Variants in LNX1 observed in about 807,000 individuals in gnomAD.
LNX1 encodes E3 ubiquitin-protein ligase LNX.
A neutral mutation model predicts 68.4 loss-of-function variants in LNX1; 54 were observed. The ratio of observed to expected loss-of-function variants is 0.79; its 90% CI spans 0.63 to 0.99. The LOEUF is 0.99. LNX1 is among the 50% of genes least tolerant of loss of function. The pLI, the probability that LNX1 is intolerant of heterozygous loss-of-function variation, is 0.00. For missense variants in LNX1, 906 were observed against 926.4 expected, an observed-to-expected ratio of 0.98 and a Z score of 0.29; for synonymous variants, 336 against 350.0, an observed-to-expected ratio of 0.96 and a Z score of 0.45.
intron 2 of LNX1, among the ~76,000 whole-genome samples, chr4:53,509,032 C>T (rs1345859615): frequency 2.0e-5 from 3 of 152,152 alleles, no homozygotes; most frequent in Non-Finnish European, 2.9e-5. Context: ...AGAACATTCT[C>T]GAGGCTCAGA....
At chr4:53,498,240 T>C (rs1220119701) in intron 5 of LNX1, among the ~76,000 whole-genome samples, 1 of 152,164 alleles carries the variant, frequency 6.6e-6, no homozygotes, top group East Asian at 1.9e-4. Context: ...TAATCTACTC[T>C]AAAAACAATT....
intron 2 of LNX1, among the ~76,000 whole-genome samples, chr4:53,509,016 T>G (rs1448857633): frequency 6.6e-6 from 1 of 152,180 alleles, no homozygotes; most frequent in Non-Finnish European, 1.5e-5. Context: ...AGAAAGAAGT[T>G]GAAAAAGAAC....
intron 2 of LNX1, among the ~76,000 whole-genome samples, chr4:53,508,917 C>G (rs1450376589): frequency 1.4e-5 from 2 of 143,510 alleles, no homozygotes; most frequent in East Asian, 4.2e-4. Context: ...ATATTTGTCT[C>G]TACCCATTCA....
chr4:53,478,424 A>C, intron 8 of LNX1, 141 bp downstream of exon 8: 2 of 714,206 alleles, frequency 2.8e-6, no homozygotes, highest in Non-Finnish European at 4.4e-6. Flanking sequence ...ACTCAAACCA[A>C]TCATGGTCAA....
At chr4:53,642,216 C>T (rs1336155132) in intron 1 of LNX1, among the ~76,000 whole-genome samples, 2 of 132,716 alleles carry the variant, frequency 1.5e-5, no homozygotes, top group Non-Finnish European at 3.1e-5. Context: ...AGAGCAAAAT[C>T]CTATCTTAAA....
intron 2 of LNX1, among the ~76,000 whole-genome samples, chr4:53,520,969 CA>C (rs1308058110): frequency 3.3e-5 from 5 of 152,048 alleles, no homozygotes; most frequent in African/African-American, 4.8e-5. Context: ...CAAAAACAAA[CA>C]AAAAAACCCC....
intron 4 of LNX1, among the ~76,000 whole-genome samples, chr4:53,503,930 T>C (rs1364064156): frequency 2.0e-5 from 3 of 152,106 alleles, no homozygotes; most frequent in Non-Finnish European, 4.4e-5. Context: ...GGTCAGGAGT[T>C]CAAGATCAGC....
chr4:53,563,659 C>A (rs1388672696), intron 2 of LNX1, among the ~76,000 whole-genome samples: 1 of 152,052 alleles, frequency 6.6e-6, no homozygotes, highest in Non-Finnish European at 1.5e-5. Context: ...CTCAGCCTCC[C>A]GAGTAGCTGG....
chr4:53,614,344 C>T (rs531407147), intron 2 of LNX1, among the ~76,000 whole-genome samples: 1 of 152,132 alleles, frequency 6.6e-6, no homozygotes, highest in Non-Finnish European at 1.5e-5. Flanking sequence ...CCATGACACA[C>T]CATTTCATCT....
chr4:53,537,670 A>G (rs1487521398), intron 2 of LNX1, among the ~76,000 whole-genome samples: 1 of 152,192 alleles, frequency 6.6e-6, no homozygotes, highest in Non-Finnish European at 1.5e-5. Flanking sequence ...AGCCCCACAC[A>G]GGTGGATGGC....
chr4:53,470,906 G>A (rs551214356), intron 9 of LNX1, among the ~76,000 whole-genome samples: 307 of 151,882 alleles, frequency 2.0e-3, no homozygotes, highest in Non-Finnish European at 3.5e-3. Flanking sequence ...ATGAAAATGG[G>A]CATACTGCCC....
At chr4:53,624,331 C>T (rs1006145811) in intron 1 of LNX1, among the ~76,000 whole-genome samples, 1 of 152,090 alleles carries the variant, frequency 6.6e-6, no homozygotes, top group African/African-American at 2.4e-5. Context: ...CAATTTCCCC[C>T]ATACTGTTCT....
chr4:53,555,715 T>C (rs1729865664), intron 2 of LNX1, among the ~76,000 whole-genome samples: 1 of 152,128 alleles, frequency 6.6e-6, no homozygotes, highest in Non-Finnish European at 1.5e-5. Flanking sequence ...TCACAAAGCA[T>C]ACACAGCAAT....
In LNX1 at chr4:53,478,749, G is replaced by GATGGAGGGGATGAAGTAATT; in HGVS notation, c.1486-8_1486-7insAATTACTTCATCCCCTCCAT. Reference sequence around the variant, plus strand: ...TAATTGTAGGATGGAGGGGCTGAAGGCACAGATGGAAAAACATGGCACATG... The same window carrying GATGGAGGGGATGAAGTAATT: ...TAATTGTAGGATGGAGGGGCTGAAGGATGGAGGGGATGAAGTAATTCACAGATGGAAAAACATGGCACATG... On this transcript the variant is annotated splice_polypyrimidine_tract_variant and splice_region_variant and intron_variant, in intron 7 of 10. Transcript: ENST00000263925. 6.2e-7 allele frequency: 1 copy of GATGGAGGGGATGAAGTAATT among 1,608,712 alleles called. No homozygotes were observed. Among genetic ancestry groups the GATGGAGGGGATGAAGTAATT allele is most frequent in the Middle Eastern group, 1.7e-4 (1 of 6,034 alleles).
At position 53,537,687 on chromosome 4, in the gene LNX1, C is replaced by T. The variant is rs1421162066; in HGVS notation, c.381-29460G>A. Among the ~76,000 whole-genome samples the T allele has an allele frequency of 3.3e-5, 5 of 152,200 alleles. No homozygotes were observed. In the East Asian group the frequency reaches 7.7e-4, roughly 23 times the overall value. ...CCCCACACAGGTGGATGGCCCCGGG[C>T]ACCTTCTTTGTACCATTTCCCCATC... On this transcript the variant is annotated intron_variant, in intron 2 of 10. Transcript: ENST00000263925.
intron 6 of LNX1, among the ~76,000 whole-genome samples, chr4:53,488,388 C>T (rs1724463309): frequency 6.6e-6 from 1 of 152,194 alleles, no homozygotes; most frequent in South Asian, 2.1e-4. Context: ...CTTTCCCTTT[C>T]CAGGTCAACT....
chr4:53,480,316 C>T (rs6835629), intron 7 of LNX1, among the ~76,000 whole-genome samples: 36,150 of 152,022 alleles, frequency 0.24, 4,847 homozygotes, highest in South Asian at 0.51. Flanking sequence ...CAGAGGGTTG[C>T]AGCAGAAATG....
intron 1 of LNX1, among the ~76,000 whole-genome samples, chr4:53,623,504 G>C (rs1733961227): frequency 6.6e-6 from 1 of 152,044 alleles, no homozygotes. Context: ...AAAGTGTTGG[G>C]ATTACAGGTG....
chr4:53,560,132 C>A (rs1730181467), intron 2 of LNX1, among the ~76,000 whole-genome samples: 1 of 152,158 alleles, frequency 6.6e-6, no homozygotes, highest in African/African-American at 2.4e-5. Flanking sequence ...AGTCCTGAAA[C>A]ATGCTCTTCT....
Sources: gnomAD v4.1 joint callset for allele counts (sites outside exome capture counted in the v4.1 genomes callset) on GRCh38, gnomAD v4.1.1 for gene constraint, MANE v1.5 for transcripts, NCBI Gene and HGNC (gene_info 2026-07-23, HGNC 2026-07-21) for gene names.